Variants in UGT1A5 observed in about 807,000 individuals in gnomAD.
UGT1A5 encodes the protein UDP-glucuronosyltransferase 1A5.
A neutral mutation model predicts 40.3 loss-of-function variants in UGT1A5; 29 were observed. That is an observed-to-expected ratio of 0.72 (90% CI 0.54 to 0.98). UGT1A5 has a LOEUF of 0.98. Among genes scored for constraint, UGT1A5 ranks in the 50% least tolerant of loss-of-function variants. The probability of loss-of-function intolerance (pLI) is 0.00; values close to 1 mark genes in which losing one functional copy is unlikely to be tolerated. For missense variants in UGT1A5, 678 were observed against 677.9 expected, an observed-to-expected ratio of 1.00 and a Z score of 0.00; for synonymous variants, 257 against 262.5, an observed-to-expected ratio of 0.98 and a Z score of 0.20.
chr2:233,762,295 C>T (rs898920191), intron 1 of UGT1A5, among the ~76,000 whole-genome samples: 2 of 152,172 alleles, frequency 1.3e-5, no homozygotes, highest in South Asian at 2.1e-4. Context: ...AGGTGCCAAC[C>T]GAGGTCTAGT....
intron 1 of UGT1A5, among the ~76,000 whole-genome samples, chr2:233,739,654 C>A (rs1048629610): frequency 2.0e-5 from 3 of 152,310 alleles, no homozygotes; most frequent in East Asian, 1.9e-4. Context: ...AATTTCTGTA[C>A]CCCCATTGTG....
intron 1 of UGT1A5, among the ~76,000 whole-genome samples, chr2:233,720,373 A>G (rs1230236901): frequency 1.3e-5 from 2 of 152,118 alleles, no homozygotes; most frequent in Non-Finnish European, 2.9e-5. Flanking sequence ...AGGGTCTTCT[A>G]CTTGGAATGC....
At chr2:233,756,092 A>T (rs1575740943) in intron 1 of UGT1A5, 1 of 152,228 alleles carries the variant, frequency 6.6e-6, no homozygotes, top group Admixed American at 6.5e-5. Flanking sequence ...ATCAAGTAAC[A>T]TTATTACGGA....
chr2:233,714,052 C>G (rs2076362832), intron 1 of UGT1A5, among the ~76,000 whole-genome samples, 194 bp downstream of exon 1: 1 of 152,078 alleles, frequency 6.6e-6, no homozygotes, highest in Non-Finnish European at 1.5e-5. Context: ...TCAATGGCCA[C>G]TGAGAGGAAG....
intron 1 of UGT1A5, among the ~76,000 whole-genome samples, chr2:233,720,641 G>C (rs1280167515): frequency 6.6e-6 from 1 of 151,852 alleles, no homozygotes; most frequent in Non-Finnish European, 1.5e-5. Context: ...AGTACTCTGG[G>C]ATGTGAAAAA....
At chr2:233,764,342 C>T (rs1016981784) in intron 1 of UGT1A5, among the ~76,000 whole-genome samples, 3 of 152,154 alleles carry the variant, frequency 2.0e-5, no homozygotes, top group Admixed American at 1.3e-4. Context: ...ATGGACTTCA[C>T]CTTTATTGAG....
In UGT1A5 at chr2:233,713,459, C is replaced by G. The variant is rs765192801; in HGVS notation, c.468C>G (p.Leu156=). Reference sequence around the variant, plus strand: ...TGGTTCTAACAGACCCCTTTCACCTCTGCGCGGCGGTGCTGGCTAAGTACC... The same window carrying G: ...TGGTTCTAACAGACCCCTTTCACCTGTGCGCGGCGGTGCTGGCTAAGTACC... ...FDVVLTDPFH[L]CAAVLAKYLS... Residue 156 remains leucine (L), a synonymous_variant, in exon 1 of 5, where the codon CTC becomes CTG. Coordinates refer to ENST00000373414, the MANE Select transcript of UGT1A5 (RefSeq NM_019078.2). 52 of 1,614,154 alleles carry G rather than the reference C, an allele frequency of 3.2e-5. No individual in the cohort carries two copies. The highest frequency in any genetic ancestry group is 4.3e-5 in the Non-Finnish European group (51 of 1,180,000).
rs1180664629 is a variant in UGT1A5, at chr2:233,724,483, C to T, written c.867+10625C>T. On this transcript the variant is annotated intron_variant, in intron 1 of 4. Coordinates refer to ENST00000373414, the MANE Select transcript of UGT1A5 (RefSeq NM_019078.2). ...GCGGAGGGGCTCCTCACTTCTCAGA[C>T]GGGGCGGCCGGGCAGAGACGCTCCT... 7.2e-3 allele frequency among the ~76,000 whole-genome samples: 496 copies of T among 68,798 alleles called. 18 individuals are homozygous for T. The highest frequency in any genetic ancestry group is 0.025 in the African/African-American group (456 of 18,100). The allele number at this position is 68,798 out of a possible 152,430, so 45.1% of individuals were successfully genotyped here. A position where few individuals can be genotyped will look rare whatever the true frequency, so the allele number is the denominator to read the frequency against.
At chr2:233,730,900 A>G (rs1224057230) in intron 1 of UGT1A5, among the ~76,000 whole-genome samples, 1 of 152,130 alleles carries the variant, frequency 6.6e-6, no homozygotes, top group Non-Finnish European at 1.5e-5. Context: ...CTACTCCTTT[A>G]CCAAAAATTT....
At chr2:233,718,645 A>G in intron 1 of UGT1A5, 1 of 1,494,710 alleles carries the variant, frequency 6.7e-7, no homozygotes, top group Non-Finnish European at 9.0e-7. Context: ...GGTTGGGCCC[A>G]TAACGAAAGG....
chr2:233,741,319 C>A (rs2125834585), intron 1 of UGT1A5, among the ~76,000 whole-genome samples: 1 of 151,674 alleles, frequency 6.6e-6, no homozygotes, highest in South Asian at 2.1e-4. Flanking sequence ...CCAACTCATT[C>A]TACTCTACCC....
chr2:233,743,701 C>T (rs13009407), intron 1 of UGT1A5: 1 of 1,367,252 alleles, frequency 7.3e-7, no homozygotes, highest in Admixed American at 1.9e-5. Context: ...CGCCCTCCGC[C>T]CCCGCCTCGC....
chr2:233,715,991 A>G (rs1360718293), intron 1 of UGT1A5, among the ~76,000 whole-genome samples: 1 of 152,166 alleles, frequency 6.6e-6, no homozygotes, highest in Non-Finnish European at 1.5e-5. Context: ...AAAACACAAC[A>G]AAACCCAAAA....
At chr2:233,719,614 A>C in intron 1 of UGT1A5, 3 of 1,613,882 alleles carry the variant, frequency 1.9e-6, no homozygotes, top group Non-Finnish European at 2.5e-6. Context: ...GTGATGGACT[A>C]CCCCAGGCCG....
intron 1 of UGT1A5, among the ~76,000 whole-genome samples, chr2:233,745,989 G>A (rs1477607074): frequency 1.3e-5 from 2 of 151,676 alleles, no homozygotes; most frequent in Admixed American, 1.3e-4. Context: ...ATGACAGCTG[G>A]GTCTGAGAGA....
chr2:233,731,781 A>G (rs2078203894), intron 1 of UGT1A5, among the ~76,000 whole-genome samples: 1 of 152,164 alleles, frequency 6.6e-6, no homozygotes, highest in Admixed American at 6.5e-5. Context: ...ATCATTTATA[A>G]TCGTTTGGGT....
At chr2:233,719,518 G>A (rs751977605) in intron 1 of UGT1A5, 2 of 1,613,954 alleles carry the variant, frequency 1.2e-6, no homozygotes, top group Non-Finnish European at 1.7e-6. Context: ...CCTTATGCAA[G>A]TCTTGCCTCT....
At chr2:233,721,529 G>A (rs537602053) in intron 1 of UGT1A5, 34 of 169,694 alleles carry the variant, frequency 2.0e-4, no homozygotes, top group Non-Finnish European at 3.5e-4. Context: ...TTCTTCCAGA[G>A]CCATAGGTAA....
At position 233,743,803 on chromosome 2, in the gene UGT1A5, G is replaced by T. The variant is rs568702968; in HGVS notation, c.868-23231G>T. 2.2e-6 allele frequency: 3 copies of T among 1,367,298 alleles called. No homozygotes were observed. In the South Asian group the frequency reaches 3.4e-5, roughly 16 times the overall value. The allele number at this position is 1,367,298 out of a possible 1,614,324, so 84.7% of individuals were successfully genotyped here. A position where few individuals can be genotyped will look rare whatever the true frequency, so the allele number is the denominator to read the frequency against. On this transcript the variant is annotated intron_variant, in intron 1 of 4. Coordinates refer to ENST00000373414, the MANE Select transcript of UGT1A5 (RefSeq NM_019078.2). ...TGAATCTCCTCTCCGCTTCCTCCTT[G>T]TTCTCAGGGTTTTTGTCGGGGTGCC...
Sources: gnomAD v4.1 joint callset for allele counts (sites outside exome capture counted in the v4.1 genomes callset) on GRCh38, gnomAD v4.1.1 for gene constraint, MANE v1.5 for transcripts, NCBI Gene and HGNC (gene_info 2026-07-23, HGNC 2026-07-21) for gene names.